Variants in MCM10 observed in about 807,000 individuals in gnomAD.
MCM10 encodes the protein minichromosome maintenance 10 replication initiation factor.
Under a neutral mutation model 109.9 loss-of-function variants are expected in MCM10, and 91 were observed. The observed-to-expected ratio is 0.83, with a 90% CI of 0.70 to 0.99. The LOEUF (loss-of-function observed/expected upper bound fraction) is 0.99, where lower values mean the gene tolerates loss of function less well. Ranked by LOEUF, MCM10 falls within the 50% of genes least tolerant of loss-of-function variation. The pLI is 0.00. For synonymous variants in MCM10, 380 were observed against 387.2 expected (o/e 0.98, Z 0.22); for missense variants, 1,077 against 1,061.2 (o/e 1.01, Z -0.21).
chr10:13,185,529 T>A (rs903833407), intron 8 of MCM10, among the ~76,000 whole-genome samples: 1 of 152,182 alleles, frequency 6.6e-6, no homozygotes, highest in Non-Finnish European at 1.5e-5. Flanking sequence ...CCTGTTTATG[T>A]CTGAGCATCT....
chr10:13,177,116 G>A (rs1248592258), intron 6 of MCM10, among the ~76,000 whole-genome samples: 1 of 152,160 alleles, frequency 6.6e-6, no homozygotes, highest in Non-Finnish European at 1.5e-5. Context: ...CTCCCTATGG[G>A]TAATGAACCA....
intron 8 of MCM10, among the ~76,000 whole-genome samples, chr10:13,185,656 A>T (rs1307200173): frequency 6.6e-6 from 1 of 152,226 alleles, no homozygotes; most frequent in Non-Finnish European, 1.5e-5. Flanking sequence ...TTCCAATCGC[A>T]AAGATGAAGG....
At chr10:13,197,139 T>C (rs1834432238) in intron 14 of MCM10, among the ~76,000 whole-genome samples, 1 of 151,930 alleles carries the variant, frequency 6.6e-6, no homozygotes, top group African/African-American at 2.4e-5. Flanking sequence ...CTCAGGCTGG[T>C]TTTAAACTCC....
intron 2 of MCM10, among the ~76,000 whole-genome samples, chr10:13,168,225 G>A (rs1464736297): frequency 2.0e-5 from 3 of 152,186 alleles, no homozygotes; most frequent in Admixed American, 6.5e-5. Flanking sequence ...AGAGCACAGG[G>A]GGCTGCCTGG....
chr10:13,189,871 G>A (rs1474712760), intron 10 of MCM10, among the ~76,000 whole-genome samples: 2 of 152,124 alleles, frequency 1.3e-5, no homozygotes, highest in Non-Finnish European at 2.9e-5. Flanking sequence ...CCCTGACGCT[G>A]TAATCCAGGG....
chr10:13,171,011 A>T lies in MCM10; in HGVS notation c.97A>T (p.Thr33Ser). ...DCNSEENNFL[T>S]RENGEPDAFD... is the part of the protein sequence containing the mutation. The stretch of plus-strand genomic sequence containing the variant: ...TAATTCAGAAGAAAATAACTTCTTG[A>T]CGCGGGAAAATGGCGAGCCCGACGC... The change falls in exon 3 of 20, where the codon ACG (threonine) becomes TCG (serine). Residue 33 changes from threonine to serine, a missense_variant. Physicochemically the swap from Thr to Ser is moderately conservative, Grantham distance 58 (BLOSUM62 1). Transcript: ENST00000378714. 2 of 1,614,244 alleles carry T rather than the reference A, an allele frequency of 1.2e-6. No homozygotes were observed. Among genetic ancestry groups the T allele is most frequent in the Non-Finnish European group, 1.7e-6 (2 of 1,180,050 alleles).
chr10:13,173,411 G>A (rs1391976674), intron 5 of MCM10, among the ~76,000 whole-genome samples: 2 of 152,148 alleles, frequency 1.3e-5, no homozygotes, highest in African/African-American at 4.8e-5. Context: ...CAAAAGGGCT[G>A]TTTTCTGGAA....
At position 13,182,798 on chromosome 10, in the gene MCM10, T is replaced by C. The variant is rs557497597; in HGVS notation, c.931-135T>C. The C allele has an allele frequency of 1.1e-3, 671 of 623,306 alleles. No homozygotes were observed. Among genetic ancestry groups the C allele is most frequent in the Non-Finnish European group, 1.6e-3 (567 of 364,380 alleles). 38.6% of individuals were successfully genotyped at this position (623,306 alleles called of 1,614,324 possible). ...AGTTATCACACATGCTGATGATACA[T>C]ATTTGAATAACAACAAAAAAACTTG... On this transcript the variant is annotated intron_variant, in intron 7 of 19. Transcript: ENST00000378714. This position sits in a 1 kb window ranked among gnomAD's most constrained non-coding sequence, Gnocchi z 4.2.
At chr10:13,169,254 A>G (rs1258469598) in intron 2 of MCM10, among the ~76,000 whole-genome samples, 2 of 152,144 alleles carry the variant, frequency 1.3e-5, no homozygotes, top group Non-Finnish European at 2.9e-5. Context: ...AACCCCATGC[A>G]TTTTGCCATG....
rs1164076851 is a variant in MCM10 at position 13,210,673 on chromosome 10, T to C, written c.*1363T>C. Reference sequence around the variant, plus strand: ...TGGAAGGTGCTGTATCTAACTTGTGTTCCTCCTAAGGTTATGTCCTAATAA... The same window carrying C: ...TGGAAGGTGCTGTATCTAACTTGTGCTCCTCCTAAGGTTATGTCCTAATAA... On this transcript the variant is annotated 3_prime_UTR_variant, in exon 20 of 20. Coordinates refer to ENST00000378714, the MANE Select transcript of MCM10 (RefSeq NM_018518.5). 2 of 152,346 alleles carry C rather than the reference T, an allele frequency of 1.3e-5. No homozygotes were observed. The highest frequency in any genetic ancestry group is 3.4e-3 in the Middle Eastern group (1 of 294). 9.4% of individuals were successfully genotyped at this position (152,346 alleles called of 1,614,324 possible). A position where few individuals can be genotyped will look rare whatever the true frequency, so the allele number is the denominator to read the frequency against.
chr10:13,162,001 A>C (rs1315279118), intron 1 of MCM10, among the ~76,000 whole-genome samples: 1 of 152,204 alleles, frequency 6.6e-6, no homozygotes, highest in African/African-American at 2.4e-5. Context: ...CTGCCTTCAC[A>C]GCGCTTACAG....
In MCM10 at chr10:13,203,946, T is replaced by C. The variant is rs190519098; in HGVS notation, c.2353-273T>C. On this transcript the variant is annotated intron_variant, in intron 17 of 19. Transcript: ENST00000378714. ...TCTCCTGCCCTTGCTGTTGTCATCA[T>C]GGAACGTGTTACACAATAACAGAAA... 2.0e-5 allele frequency among the ~76,000 whole-genome samples: 3 copies of C among 152,306 alleles called. No individual in the cohort carries two copies. The East Asian group carries it at 5.8e-4, about 29-fold the overall frequency.
chr10:13,188,278 G>T lies in MCM10; in HGVS notation c.1216-603G>T, dbSNP rs534753607. ...CCAGAGAAACAGCTAGAAAAACCTC[G>T]CTGGGAGCTGATTTTGTTTTTAAAT... is the stretch of plus-strand genomic sequence containing the variant. On this transcript the variant is annotated intron_variant, in intron 9 of 19. Coordinates refer to ENST00000378714, the MANE Select transcript of MCM10 (RefSeq NM_018518.5). 3.3e-5 allele frequency among the ~76,000 whole-genome samples: 5 copies of T among 152,246 alleles called. No homozygotes were observed. In the East Asian group the frequency reaches 5.8e-4, roughly 18 times the overall value.
chr10:13,169,435 A>G (rs1275191091), intron 2 of MCM10, among the ~76,000 whole-genome samples: 1 of 152,232 alleles, frequency 6.6e-6, no homozygotes, highest in Non-Finnish European at 1.5e-5. Flanking sequence ...TGCCATTTCA[A>G]GAGTGCATCC....
intron 6 of MCM10, among the ~76,000 whole-genome samples, chr10:13,178,801 A>G (rs1236468482): frequency 1.3e-5 from 2 of 152,204 alleles, no homozygotes; most frequent in Admixed American, 6.5e-5. Context: ...TTTGGATTGT[A>G]TGGACAGTTG....
intron 10 of MCM10, 75 bp downstream of exon 10, chr10:13,189,155 T>A: frequency 6.8e-7 from 1 of 1,469,752 alleles, no homozygotes; most frequent in Non-Finnish European, 9.5e-7. Context: ...TGTACCTTCC[T>A]GTAACCGTCA....
intron 2 of MCM10, among the ~76,000 whole-genome samples, chr10:13,165,051 G>T (rs775623111): frequency 3.3e-5 from 5 of 152,004 alleles, no homozygotes; most frequent in Non-Finnish European, 5.9e-5. Context: ...ATGCACAGTG[G>T]ACCCCCGTTG....
At chr10:13,203,779 T>G (rs1834531600) in intron 17 of MCM10, among the ~76,000 whole-genome samples, 1 of 150,458 alleles carries the variant, frequency 6.6e-6, no homozygotes, top group South Asian at 2.1e-4. Context: ...CCTATATCCT[T>G]TTTATAGATC....
Position 13,209,270 on chromosome 10 carries a change from G to A in MCM10, c.2585G>A (p.Arg862Lys), listed in dbSNP as rs764036266. The A allele has an allele frequency of 1.2e-6, 2 of 1,613,988 alleles. No individual in the cohort carries two copies. The highest frequency in any genetic ancestry group is 1.7e-6 in the Non-Finnish European group (2 of 1,179,976). The change falls in exon 20 of 20, where the codon AGA becomes AAA. Residue 862 changes from arginine to lysine, a missense_variant. Coordinates refer to ENST00000378714, the MANE Select transcript of MCM10 (RefSeq NM_018518.5). Reference protein sequence around the residue: ...PKIGGETLLPRGEEHAKFLNS... With the variant: ...PKIGGETLLPKGEEHAKFLNS... ...ATAGGAGGAGAAACTCTGTTACCAA[G>A]AGGAGAAGAACATGCTAAATTTCTG...
Sources: allele counts gnomAD v4.1 joint callset (sites outside exome capture counted in the v4.1 genomes callset), GRCh38; gene constraint gnomAD v4.1.1; non-coding constraint Gnocchi (gnomAD v3.1); transcripts MANE v1.5; gene names NCBI Gene and HGNC (gene_info 2026-07-23, HGNC 2026-07-21).